The following IPCEF1 variants were observed in gnomAD, a reference collection of about 807,000 sequenced individuals.
IPCEF1 encodes interactor protein for cytohesin exchange factors 1.
IPCEF1 carries 31 observed loss-of-function variants against 50.9 expected under a neutral mutation model. The ratio of observed to expected loss-of-function variants is 0.61; its 90% CI spans 0.46 to 0.82. IPCEF1 has a LOEUF of 0.82. Ranked by LOEUF, IPCEF1 falls within the 40% of genes least tolerant of loss-of-function variation. IPCEF1 has a pLI of 0.00. For missense variants in IPCEF1, 458 were observed against 514.0 expected, an observed-to-expected ratio of 0.89 and a Z score of 1.05; for synonymous variants, 181 against 192.0, an observed-to-expected ratio of 0.94 and a Z score of 0.47.
At chr6:154,183,300 C>T (rs981613766) in intron 10 of IPCEF1, among the ~76,000 whole-genome samples, 5 of 152,156 alleles carry the variant, frequency 3.3e-5, no homozygotes, top group Non-Finnish European at 5.9e-5. Context: ...TTCAAGATGG[C>T]GCTCTCATTC....
chr6:154,289,867 A>G (rs1207601855), intron 1 of IPCEF1, 111 bp from the exon 2 acceptor site: 1 of 151,956 alleles, frequency 6.6e-6, no homozygotes, highest in African/African-American at 2.4e-5. Flanking sequence ...CACCACATCA[A>G]CCCCAAGAAT....
chr6:154,205,738 C>T (rs943603303), intron 9 of IPCEF1, among the ~76,000 whole-genome samples: 8 of 152,198 alleles, frequency 5.3e-5, no homozygotes, highest in Non-Finnish European at 1.5e-5. Flanking sequence ...AATGAATAAA[C>T]TGCAATTAGG....
chr6:154,273,706 T>C (rs9384199), intron 2 of IPCEF1, among the ~76,000 whole-genome samples: 8,840 of 33,648 alleles, frequency 0.26, 568 homozygotes, highest in African/African-American at 0.39. Context: ...TTTTCTTTTT[T>C]TCTTTCTTTC....
At chr6:154,221,236 T>G (rs1326382732) in intron 7 of IPCEF1, 21 bp downstream of exon 7, 2 of 1,600,872 alleles carry the variant, frequency 1.2e-6, no homozygotes, top group South Asian at 2.2e-5. Flanking sequence ...AGGATGGGGT[T>G]TACCAGTTTC....
At chr6:154,231,586 T>C (rs1779724625) in intron 5 of IPCEF1, among the ~76,000 whole-genome samples, 1 of 152,170 alleles carries the variant, frequency 6.6e-6, no homozygotes, top group African/African-American at 2.4e-5. Flanking sequence ...CTCTAGGACA[T>C]AGTGAGAGAA....
At chr6:154,280,778 T>C (rs1048761946) in intron 2 of IPCEF1, among the ~76,000 whole-genome samples, 1 of 152,226 alleles carries the variant, frequency 6.6e-6, no homozygotes, top group Non-Finnish European at 1.5e-5. Context: ...ATCCCGATGG[T>C]ATTCTATTTC....
At position 154,168,572 on chromosome 6, in the gene IPCEF1, C is replaced by A. The variant is rs1428071248; in HGVS notation, c.911-459G>T. On this transcript the variant is annotated intron_variant, in intron 10 of 11. Coordinates refer to ENST00000367220, the MANE Select transcript of IPCEF1 (RefSeq NM_001130700.2). This position sits in a 1 kb window ranked among gnomAD's most constrained non-coding sequence, Gnocchi z 4.1. ...TCTGAGGTATTAGGGGTTAGGACGT[C>A]AACATACGAATTTTATTAATTAATT... Among the ~76,000 whole-genome samples the A allele has an allele frequency of 6.6e-6, 1 of 151,980 alleles. No individual in the cohort carries two copies. Among genetic ancestry groups the A allele is most frequent in the Non-Finnish European group, 1.5e-5 (1 of 68,012 alleles).
chr6:154,311,342 A>G (rs1291608413), intron 1 of IPCEF1, among the ~76,000 whole-genome samples: 1 of 152,050 alleles, frequency 6.6e-6, no homozygotes, highest in Non-Finnish European at 1.5e-5. Flanking sequence ...GCTCATTGCA[A>G]CCCCTTGCCT....
At chr6:154,334,538 C>G (rs1193955827) in intron 1 of IPCEF1, among the ~76,000 whole-genome samples, 1 of 152,192 alleles carries the variant, frequency 6.6e-6, no homozygotes, top group Non-Finnish European at 1.5e-5. Flanking sequence ...ATGGGATGAC[C>G]CAGGCTGGGA....
rs146551161 is a variant in IPCEF1 at position 154,188,718 on chromosome 6, G to A, written c.910+10950C>T. ...GAAAGTCTAAAAAGCACCAGCACTC[G>A]ATTCATGAGAAAGATGACACTGAAG... On this transcript the variant is annotated intron_variant, in intron 10 of 11. Coordinates refer to ENST00000367220, the MANE Select transcript of IPCEF1 (RefSeq NM_001130700.2). Among the ~76,000 whole-genome samples the A allele has an allele frequency of 6.2e-3, 949 of 152,324 alleles. 9 individuals carry two copies. Among genetic ancestry groups the A allele is most frequent in the African/African-American group, 0.018 (762 of 41,572 alleles).
intron 1 of IPCEF1, among the ~76,000 whole-genome samples, chr6:154,353,293 CTTTTTTTTTTTT>C (rs914097422): frequency 7.8e-6 from 1 of 127,858 alleles, no homozygotes; most frequent in Non-Finnish European, 1.6e-5. Flanking sequence ...TTTCCTTTTC[CTTTTTTTTTTTT>C]TTTTTTTTGA....
chr6:154,294,905 A>C (rs555575865), intron 1 of IPCEF1, among the ~76,000 whole-genome samples: 228 of 152,252 alleles, frequency 1.5e-3, no homozygotes, highest in African/African-American at 5.2e-3. Flanking sequence ...TTATTTTTTA[A>C]AAAAAGTACT....
chr6:154,195,032 C>G (rs897037211), intron 10 of IPCEF1, among the ~76,000 whole-genome samples: 5 of 152,120 alleles, frequency 3.3e-5, no homozygotes, highest in Non-Finnish European at 7.4e-5. Flanking sequence ...CCCTTCCTTC[C>G]CGTCTCCACT....
At chr6:154,312,500 C>T (rs1193873956) in intron 1 of IPCEF1, among the ~76,000 whole-genome samples, 3 of 152,200 alleles carry the variant, frequency 2.0e-5, no homozygotes, top group African/African-American at 4.8e-5. Flanking sequence ...GCACGCACCA[C>T]CACACCCGGC....
chr6:154,188,505 T>G (rs1801582399), intron 10 of IPCEF1, among the ~76,000 whole-genome samples: 1 of 152,244 alleles, frequency 6.6e-6, no homozygotes, highest in African/African-American at 2.4e-5. Flanking sequence ...CATGTGCATG[T>G]GTGTGTATGT....
chr6:154,253,453 T>C (rs1781386297), intron 3 of IPCEF1, among the ~76,000 whole-genome samples: 1 of 152,234 alleles, frequency 6.6e-6, no homozygotes, highest in Admixed American at 6.5e-5. Flanking sequence ...CGTTGATACA[T>C]GTATCTCTAG....
Position 154,317,548 on chromosome 6 carries a change from C to CAAAAAAAAAAAAAA in IPCEF1, c.-61-27806_-61-27793dup, listed in dbSNP as rs71021041. Among the ~76,000 whole-genome samples the CAAAAAAAAAAAAAA allele has an allele frequency of 4.3e-4, 7 of 16,316 alleles. 1 individual carries two copies. Among genetic ancestry groups the CAAAAAAAAAAAAAA allele is most frequent in the Non-Finnish European group, 6.7e-4 (7 of 10,396 alleles). 10.7% of individuals were successfully genotyped at this position (16,316 alleles called of 152,430 possible). A position where few individuals can be genotyped will look rare whatever the true frequency, so the allele number is the denominator to read the frequency against. On this transcript the variant is annotated intron_variant, in intron 1 of 11. Coordinates refer to ENST00000367220, the MANE Select transcript of IPCEF1 (RefSeq NM_001130700.2). The stretch of plus-strand genomic sequence containing the variant: ...TGGGCGACAGTGAGAGACTCCATCT[C>CAAAAAAAAAAAAAA]AAAAAAAAAAAAAAAAAAAAAAAAA...
chr6:154,204,876 T>G (rs1303834717), intron 9 of IPCEF1, among the ~76,000 whole-genome samples: 1 of 152,194 alleles, frequency 6.6e-6, no homozygotes, highest in African/African-American at 2.4e-5. Context: ...AAGGTCCACA[T>G]GAACCCCTAA....
chr6:154,337,240 C>T (rs980058433), intron 1 of IPCEF1, among the ~76,000 whole-genome samples: 2 of 152,146 alleles, frequency 1.3e-5, no homozygotes, highest in African/African-American at 4.8e-5. Flanking sequence ...AAGGAGATTT[C>T]CTTCTCAAAA....
Sources: allele counts gnomAD v4.1 joint callset (sites outside exome capture counted in the v4.1 genomes callset), GRCh38; gene constraint gnomAD v4.1.1; non-coding constraint Gnocchi (gnomAD v3.1); transcripts MANE v1.5; gene names NCBI Gene and HGNC (gene_info 2026-07-23, HGNC 2026-07-21).